The following PHF21B variants were observed in gnomAD, a reference collection of about 807,000 sequenced individuals.
The protein encoded by PHF21B is PHD finger protein 4.
Under a neutral mutation model 62.2 loss-of-function variants are expected in PHF21B, and 22 were observed. The ratio of observed to expected loss-of-function variants is 0.35; its 90% CI spans 0.25 to 0.51. The LOEUF is 0.51. Ranked by LOEUF, PHF21B falls within the 20% of genes least tolerant of loss-of-function variation. The pLI is 0.97. For missense variants in PHF21B, 701 were observed against 707.9 expected (o/e 0.99, Z 0.11); for synonymous variants, 341 against 314.7 (o/e 1.08, Z -0.88).
intron 2 of PHF21B, among the ~76,000 whole-genome samples, chr22:44,983,124 C>T (rs1025721501): frequency 6.6e-6 from 1 of 152,046 alleles, no homozygotes; most frequent in African/African-American, 2.4e-5. Context: ...ATCCCAGCTA[C>T]TCAGGAAGCT....
intron 2 of PHF21B, among the ~76,000 whole-genome samples, chr22:44,975,217 C>T (rs1414757201): frequency 6.6e-6 from 1 of 152,196 alleles, no homozygotes; most frequent in African/African-American, 2.4e-5. Context: ...AATCAAGGGT[C>T]CAAGCTCCTG....
chr22:45,008,900 G>C (rs1329620952), intron 1 of PHF21B: 1 of 1,166,922 alleles, frequency 8.6e-7, no homozygotes, highest in Non-Finnish European at 1.1e-6. Context: ...GTGCGTGTGC[G>C]AGTGAGTGTG....
intron 9 of PHF21B, among the ~76,000 whole-genome samples, chr22:44,888,436 C>A (rs945866830): frequency 6.6e-6 from 1 of 152,126 alleles, no homozygotes; most frequent in Non-Finnish European, 1.5e-5. Flanking sequence ...ACCCCAGGTG[C>A]GGGCGACAAG....
chr22:44,936,277 G>A lies in PHF21B; in HGVS notation c.121-15787C>T, dbSNP rs534522158. 3.3e-5 allele frequency among the ~76,000 whole-genome samples: 5 copies of A among 152,316 alleles called. No homozygotes were observed. The East Asian group carries it at 7.7e-4, about 24-fold the overall frequency. On this transcript the variant is annotated intron_variant, in intron 2 of 12. Coordinates refer to ENST00000313237, the MANE Select transcript of PHF21B (RefSeq NM_138415.5). ...CTCCCTGGCCATGTCCAGTGGAGACGGCACAGGGGAAGCTGCAGGTCCCGC... is the reference window on the plus strand; with the variant it reads ...CTCCCTGGCCATGTCCAGTGGAGACAGCACAGGGGAAGCTGCAGGTCCCGC...
chr22:44,923,197 T>C (rs1032324056), intron 2 of PHF21B, among the ~76,000 whole-genome samples: 9 of 152,160 alleles, frequency 5.9e-5, no homozygotes, highest in African/African-American at 1.9e-4. Flanking sequence ...ACATAGTCCA[T>C]TGATTTTCAG....
intron 2 of PHF21B, among the ~76,000 whole-genome samples, chr22:44,986,521 CAAAAAAA>C (rs3063310): frequency 4.7e-5 from 4 of 85,882 alleles, no homozygotes; most frequent in East Asian, 3.3e-4. Context: ...GATCTTATTT[CAAAAAAA>C]AAAAAAAAAA....
At chr22:44,961,479 T>C (rs1286891580) in intron 2 of PHF21B, among the ~76,000 whole-genome samples, 2 of 152,168 alleles carry the variant, frequency 1.3e-5, no homozygotes, top group African/African-American at 2.4e-5. Context: ...GTGAATCTAA[T>C]GTTTAGCTCT....
At chr22:44,939,450 A>C (rs552724351) in intron 2 of PHF21B, among the ~76,000 whole-genome samples, 20 of 152,234 alleles carry the variant, frequency 1.3e-4, no homozygotes, top group Non-Finnish European at 2.2e-4. Context: ...AGCACTGCGC[A>C]CTGAGCAAAT....
At chr22:44,913,738 A>G in intron 5 of PHF21B, 84 bp downstream of exon 5, 1 of 1,480,822 alleles carries the variant, frequency 6.8e-7, no homozygotes, top group Non-Finnish European at 8.9e-7. Context: ...CCCCACAGTG[A>G]GGCCATCCCC....
At chr22:45,001,822 T>C (rs1258944167) in intron 2 of PHF21B, 1 of 152,210 alleles carries the variant, frequency 6.6e-6, no homozygotes, top group African/African-American at 2.4e-5. Context: ...AGAAGGTGTT[T>C]ACCCAACATC....
At chr22:44,960,024 C>T (rs561603523) in intron 2 of PHF21B, among the ~76,000 whole-genome samples, 63 of 152,314 alleles carry the variant, frequency 4.1e-4, no homozygotes, top group Non-Finnish European at 6.8e-4. Context: ...ACCTCAGCAC[C>T]GGACGTGTCT....
chr22:44,953,479 A>G (rs182707063), intron 2 of PHF21B, among the ~76,000 whole-genome samples: 7 of 151,856 alleles, frequency 4.6e-5, no homozygotes, highest in African/African-American at 1.5e-4. Context: ...TTCCTGCTCT[A>G]ATTTATTAAT....
intron 2 of PHF21B, among the ~76,000 whole-genome samples, chr22:44,976,428 A>G (rs1002304094): frequency 2.0e-5 from 3 of 152,178 alleles, no homozygotes; most frequent in African/African-American, 7.2e-5. Context: ...CCTCCCACCT[A>G]ACTGTAACTT....
intron 2 of PHF21B, among the ~76,000 whole-genome samples, chr22:44,945,729 G>T (rs1356665057): frequency 7.0e-6 from 1 of 142,498 alleles, no homozygotes; most frequent in African/African-American, 2.6e-5. Flanking sequence ...GGGGGGGGTG[G>T]TATAAAGCAG....
intron 2 of PHF21B, among the ~76,000 whole-genome samples, chr22:44,968,834 AT>A (rs529547483): frequency 6.6e-6 from 1 of 152,082 alleles, no homozygotes; most frequent in Non-Finnish European, 1.5e-5. Flanking sequence ...TTCAGAGCAG[AT>A]TTTTTTGGGT....
At chr22:44,907,424 G>A (rs2071270027) in intron 5 of PHF21B, among the ~76,000 whole-genome samples, 1 of 152,226 alleles carries the variant, frequency 6.6e-6, no homozygotes, top group African/African-American at 2.4e-5. Context: ...GTGCTTGTGT[G>A]GGGTGAACAG....
rs191409372 is a variant in PHF21B at position 44,941,556 on chromosome 22, C to T, written c.121-21066G>A. On this transcript the variant is annotated intron_variant, in intron 2 of 12. Transcript: ENST00000313237. ...CACAGATCCCAACCCAGCTGGATCG[C>T]TTTGTTCCTCTGACGTTGTGGTGGG... 4.6e-5 allele frequency among the ~76,000 whole-genome samples: 7 copies of T among 152,370 alleles called. No individual in the cohort carries two copies. The East Asian group carries it at 1.4e-3, about 29-fold the overall frequency.
chr22:44,906,213 A>G (rs1194263294), intron 5 of PHF21B, among the ~76,000 whole-genome samples: 3 of 152,154 alleles, frequency 2.0e-5, no homozygotes, highest in Non-Finnish European at 2.9e-5. Flanking sequence ...GTGGGTTTGA[A>G]ACGGAGAGGT....
intron 2 of PHF21B, among the ~76,000 whole-genome samples, chr22:45,005,243 G>A (rs2073294031): frequency 6.6e-6 from 1 of 152,232 alleles, no homozygotes; most frequent in South Asian, 2.1e-4. Flanking sequence ...TTAAAGAAGA[G>A]GGCCCTCCAC....
Sources: gnomAD v4.1 joint callset for allele counts (sites outside exome capture counted in the v4.1 genomes callset) on GRCh38, gnomAD v4.1.1 for gene constraint, MANE v1.5 for transcripts, NCBI Gene and HGNC (gene_info 2026-07-23, HGNC 2026-07-21) for gene names.